The following ABCF1 variants were observed in gnomAD, a reference collection of about 807,000 sequenced individuals.
ABCF1 encodes the protein ATP-binding cassette sub-family F member 1.
Under a neutral mutation model 126.3 loss-of-function variants are expected in ABCF1, and 73 were observed. That is an observed-to-expected ratio of 0.58 (90% confidence interval 0.48 to 0.70). The LOEUF is 0.70. Among genes scored for constraint, ABCF1 ranks in the 30% least tolerant of loss-of-function variants. The pLI, the probability that ABCF1 is intolerant of heterozygous loss-of-function variation, is 0.00. For synonymous variants in ABCF1, 345 were observed against 396.4 expected (o/e 0.87, Z 1.54); for missense variants, 786 against 1,057.5 (o/e 0.74, Z 3.56).
Position 30,583,925 on chromosome 6 carries a change from G to T in ABCF1, c.1102+35G>T, listed in dbSNP as rs748313081. ...CTGGGGAGAAAAGGGGCTTGGTGGG[G>T]TGGGCAGTTGGGTAGAAAAGCCAGC... On this transcript the variant is annotated intron_variant, in intron 12 of 24. Coordinates refer to ENST00000326195, the MANE Select transcript of ABCF1 (RefSeq NM_001025091.2). The surrounding 1 kb of genome is among the most constrained non-coding windows in gnomAD (Gnocchi z 4.1). 42 of 1,606,340 alleles carry T rather than the reference G, an allele frequency of 2.6e-5. No homozygotes were observed. Among genetic ancestry groups the T allele is most frequent in the Non-Finnish European group, 6.0e-6 (7 of 1,174,196 alleles).
At chr6:30,579,460 T>TG (rs1801690028) in intron 6 of ABCF1, among the ~76,000 whole-genome samples, 2 of 148,236 alleles carry the variant, frequency 1.3e-5, no homozygotes, top group Admixed American at 1.3e-4. Flanking sequence ...GAACTATTTT[T>TG]TTTTTTTTTT....
chr6:30,585,845 A>T, intron 16 of ABCF1, 34 bp from the exon 17 acceptor site: 1 of 1,574,802 alleles, frequency 6.3e-7, no homozygotes, highest in East Asian at 2.3e-5. Context: ...GAAGAGGAGC[A>T]ACCACTGATG....
At chr6:30,577,495 T>A in intron 2 of ABCF1, 40 bp downstream of exon 2, 2 of 1,604,644 alleles carry the variant, frequency 1.2e-6, no homozygotes, top group Non-Finnish European at 1.7e-6. Context: ...TGACTATGGA[T>A]GTTTCCAAGC....
chr6:30,572,701 A>G (rs796159742), intron 1 of ABCF1, among the ~76,000 whole-genome samples: 6 of 152,246 alleles, frequency 3.9e-5, no homozygotes, highest in African/African-American at 1.4e-4. Context: ...AGATCTGGCT[A>G]TGTTGCCTAG....
Position 30,584,013 on chromosome 6 carries a change from C to T in ABCF1, c.1102+123C>T. 7.1e-7 allele frequency: 1 copy of T among 1,400,382 alleles called. No homozygotes were observed. The highest frequency in any genetic ancestry group is 2.4e-5 in the East Asian group (1 of 41,658). 86.7% of individuals were successfully genotyped at this position (1,400,382 alleles called of 1,614,324 possible). On this transcript the variant is annotated intron_variant, in intron 12 of 24. Transcript: ENST00000326195. This position sits in a 1 kb window ranked among gnomAD's most constrained non-coding sequence, Gnocchi z 4.6. ...AAGGGATGTGGAGGGAGACTGGAGA[C>T]CGGGAAAGGGATGCTAAGGAAAGGA...
chr6:30,589,859 G>A lies in ABCF1; in HGVS notation c.2118G>A (p.Thr706=), dbSNP rs770543929. Residue 706 remains threonine (T), a synonymous_variant, in exon 22 of 25, where the codon ACG becomes ACA. Transcript: ENST00000326195. ...QYAEQLRMEE[T]PTEYLQRGFN... ...CAGAGCAGCTGCGCATGGAGGAGAC[G>A]CCCACTGAGTACCTGCAGCGGGGCT... is the stretch of plus-strand genomic sequence containing the variant. The A allele has an allele frequency of 1.9e-5, 30 of 1,614,030 alleles. No homozygotes were observed. Among genetic ancestry groups the A allele is most frequent in the African/African-American group, 6.7e-5 (5 of 74,914 alleles).
intron 1 of ABCF1, among the ~76,000 whole-genome samples, chr6:30,571,935 G>T (rs529468110): frequency 2.9e-4 from 44 of 152,144 alleles, no homozygotes; most frequent in African/African-American, 1.1e-3. Flanking sequence ...CCCTGCGCGC[G>T]CATACACACA....
At chr6:30,582,829 G>C (rs1277747437) in intron 9 of ABCF1, among the ~76,000 whole-genome samples, 1 of 152,184 alleles carries the variant, frequency 6.6e-6, no homozygotes, top group Non-Finnish European at 1.5e-5. Context: ...GAATAGCTGA[G>C]ACTATGGGTG....
chr6:30,575,760 A>G (rs1244440600), intron 1 of ABCF1, among the ~76,000 whole-genome samples: 2 of 152,062 alleles, frequency 1.3e-5, no homozygotes, highest in East Asian at 1.9e-4. Flanking sequence ...TACATGGCCT[A>G]TAGGTTTTAC....
At chr6:30,587,928 G>A (rs1465687154) in intron 20 of ABCF1, among the ~76,000 whole-genome samples, 14 of 150,896 alleles carry the variant, frequency 9.3e-5, no homozygotes, top group Admixed American at 2.6e-4. Flanking sequence ...GTTTTGAGAC[G>A]GAGTCTCACT....
rs1193516354 is a variant in ABCF1 at position 30,577,931 on chromosome 6, C to T, written c.216+18C>T. 1 of 1,613,414 alleles carries T rather than the reference C, an allele frequency of 6.2e-7. No individual in the cohort carries two copies. The highest frequency in any genetic ancestry group is 8.5e-7 in the Non-Finnish European group (1 of 1,179,850). On this transcript the variant is annotated intron_variant, in intron 3 of 24. Coordinates refer to ENST00000326195, the MANE Select transcript of ABCF1 (RefSeq NM_001025091.2). ...AACAGCAGGTACAAGTGCCACAGGG[C>T]CCACCAATCCTGGGAGGCATCTGGG...
intron 24 of ABCF1, 53 bp from the exon 25 acceptor site, chr6:30,590,482 T>A: frequency 1.3e-6 from 2 of 1,583,332 alleles, no homozygotes; most frequent in Non-Finnish European, 1.7e-6. Flanking sequence ...ATGTTCTGAT[T>A]CCCCTCTTTC....
Position 30,583,568 on chromosome 6 carries a change from T to A in ABCF1, c.916-40T>A. On this transcript the variant is annotated intron_variant, in intron 10 of 24. Coordinates refer to ENST00000326195, the MANE Select transcript of ABCF1 (RefSeq NM_001025091.2). The surrounding 1 kb of genome is among the most constrained non-coding windows in gnomAD (Gnocchi z 4.1). ...TCCCAAAGGGAGAATTTTCATGTGATCATCCCTTCCCTCTGCCACCTCTTT... is the reference window on the plus strand; with the variant it reads ...TCCCAAAGGGAGAATTTTCATGTGAACATCCCTTCCCTCTGCCACCTCTTT... The A allele has an allele frequency of 6.2e-7, 1 of 1,603,110 alleles. No homozygotes were observed. The highest frequency in any genetic ancestry group is 8.5e-7 in the Non-Finnish European group (1 of 1,170,378).
At chr6:30,585,727 A>C (rs1802083668) in intron 16 of ABCF1, 45 bp downstream of exon 16, 1 of 1,606,758 alleles carries the variant, frequency 6.2e-7, no homozygotes, top group African/African-American at 1.3e-5. Flanking sequence ...TAGAACCTCG[A>C]AAAGAGGCCT....
In ABCF1 at chr6:30,590,207, C is replaced by A; in HGVS notation, c.2292C>A (p.Leu764=). Residue 764 remains leucine (L), a synonymous_variant, in exon 23 of 25, where the codon CTC becomes CTA. Transcript: ENST00000326195. ...AELACREPDV[L]ILDEPTNNLD... ...TGGCCTGTCGGGAACCTGATGTCCT[C>A]ATCTTGGTGAGTGAGCTGGGCTGTG... 1 of 1,613,004 alleles carries A rather than the reference C, an allele frequency of 6.2e-7. No individual in the cohort carries two copies. The highest frequency in any genetic ancestry group is 1.3e-5 in the African/African-American group (1 of 75,012).
At chr6:30,580,743 G>A (rs560265385) in intron 8 of ABCF1, among the ~76,000 whole-genome samples, 3 of 152,094 alleles carry the variant, frequency 2.0e-5, no homozygotes, top group African/African-American at 4.8e-5. Context: ...GTGTGAACAC[G>A]GCTCACTGAA....
intron 6 of ABCF1, among the ~76,000 whole-genome samples, chr6:30,579,029 A>G (rs2127407670): frequency 6.6e-6 from 1 of 152,068 alleles, no homozygotes; most frequent in African/African-American, 2.4e-5. Context: ...AAACCATGCC[A>G]TTTTTATCAC....
At chr6:30,585,755 T>C (rs1037977431) in intron 16 of ABCF1, 73 bp downstream of exon 16, 1 of 1,591,168 alleles carries the variant, frequency 6.3e-7, no homozygotes, top group African/African-American at 1.3e-5. Flanking sequence ...AGGGCCTATT[T>C]AGATAAACTG....
chr6:30,584,071 T>C lies in ABCF1; in HGVS notation c.1103-121T>C. On this transcript the variant is annotated intron_variant, in intron 12 of 24. Coordinates refer to ENST00000326195, the MANE Select transcript of ABCF1 (RefSeq NM_001025091.2). The surrounding 1 kb of genome is among the most constrained non-coding windows in gnomAD (Gnocchi z 4.6). ...GTCAATGAGGAACTTGAGAGTGTTT[T>C]ATTTGGAACAAGTACAAAGAGCTGG... 3.4e-6 allele frequency: 5 copies of C among 1,458,050 alleles called. No individual in the cohort carries two copies. The highest frequency in any genetic ancestry group is 4.6e-6 in the Non-Finnish European group (5 of 1,082,778). 90.3% of individuals were successfully genotyped at this position (1,458,050 alleles called of 1,614,324 possible).
Sources: gnomAD v4.1 joint callset for allele counts (sites outside exome capture counted in the v4.1 genomes callset) on GRCh38, gnomAD v4.1.1 for gene constraint, Gnocchi (gnomAD v3.1) non-coding constraint, MANE v1.5 for transcripts, NCBI Gene and HGNC (gene_info 2026-07-23, HGNC 2026-07-21) for gene names.